The following CAMKK1 variants were observed in gnomAD, a reference collection of about 807,000 sequenced individuals.
CAMKK1 encodes calcium/calmodulin-dependent protein kinase kinase 1.
Under a neutral mutation model 63.5 loss-of-function variants are expected in CAMKK1, and 20 were observed. The observed-to-expected ratio is 0.32, with a 90% CI of 0.22 to 0.46. CAMKK1 has a LOEUF of 0.46. Among genes scored for constraint, CAMKK1 ranks in the 20% least tolerant of loss-of-function variants. The pLI is 1.00. For synonymous variants in CAMKK1, 253 were observed against 269.0 expected, an observed-to-expected ratio of 0.94 and a Z score of 0.58; for missense variants, 588 against 658.1, an observed-to-expected ratio of 0.89 and a Z score of 1.17.
At chr17:3,891,804 T>C (rs1254008130) in intron 1 of CAMKK1, among the ~76,000 whole-genome samples, 1 of 152,082 alleles carries the variant, frequency 6.6e-6, no homozygotes, top group Non-Finnish European at 1.5e-5. Context: ...TGGCTGGGAC[T>C]CCGGGCTTGG....
chr17:3,865,585 G>A (rs909619237), intron 15 of CAMKK1: 12 of 1,151,460 alleles, frequency 1.0e-5, no homozygotes, highest in African/African-American at 3.1e-5. Flanking sequence ...CAGAGGGGCT[G>A]GACCCAGTGA....
intron 7 of CAMKK1, 199 bp from the exon 8 acceptor site, chr17:3,881,847 C>T: frequency 1.7e-6 from 1 of 587,722 alleles, no homozygotes; most frequent in Non-Finnish European, 3.1e-6. Context: ...TCATCTGATC[C>T]TCAGGTGCCA....
intron 8 of CAMKK1, 119 bp downstream of exon 8, chr17:3,881,508 C>T: frequency 1.1e-6 from 1 of 948,848 alleles, no homozygotes; most frequent in African/African-American, 1.6e-5. Context: ...CCCCTAAGGG[C>T]AGGGCCTCCG....
chr17:3,868,310 C>A (rs544948378), intron 14 of CAMKK1, among the ~76,000 whole-genome samples: 1 of 140,354 alleles, frequency 7.1e-6, no homozygotes, highest in Admixed American at 7.1e-5. Flanking sequence ...ATGCAGGCAC[C>A]GTCTAACTGA....
intron 12 of CAMKK1, 119 bp from the exon 13 acceptor site, chr17:3,870,007 C>G (rs1467326862): frequency 1.3e-6 from 1 of 775,270 alleles, no homozygotes; most frequent in Admixed American, 2.2e-5. Flanking sequence ...GGACAGCAGG[C>G]AGGAATTTCA....
chr17:3,862,389 GC>G lies in CAMKK1; in HGVS notation c.1446-107del. The G allele has an allele frequency of 1.0e-6, 1 of 984,950 alleles. No individual in the cohort carries two copies. Among genetic ancestry groups the G allele is most frequent in the Non-Finnish European group, 1.6e-6 (1 of 642,938 alleles). The allele number at this position is 984,950 out of a possible 1,614,324, so 61.0% of individuals were successfully genotyped here. On this transcript the variant is annotated intron_variant, in intron 15 of 15. Coordinates refer to ENST00000348335, the MANE Select transcript of CAMKK1 (RefSeq NM_032294.3). The surrounding 1 kb of genome is among the most constrained non-coding windows in gnomAD (Gnocchi z 4.1). ...GAATCTGAATCCCACATCTCTCAAA[GC>G]CCCCTTCACCCACTGCCCCAAGCTT...
chr17:3,869,176 C>G (rs2054721628), intron 14 of CAMKK1, among the ~76,000 whole-genome samples: 2 of 151,740 alleles, frequency 1.3e-5, no homozygotes, highest in South Asian at 4.2e-4. Flanking sequence ...CAAGGATGGT[C>G]TCGATCTCCT....
intron 14 of CAMKK1, 57 bp from the exon 15 acceptor site, chr17:3,866,068 C>A: frequency 6.3e-7 from 1 of 1,587,240 alleles, no homozygotes; most frequent in South Asian, 1.1e-5. Context: ...GACACGCAGC[C>A]TCTGCTCCGA....
In CAMKK1 at chr17:3,882,162, G is replaced by A. The variant is rs776107607; in HGVS notation, c.685+366C>T. 21 of 797,520 alleles carry A rather than the reference G, an allele frequency of 2.6e-5. No individual in the cohort carries two copies. The highest frequency in any genetic ancestry group is 4.4e-5 in the Non-Finnish European group (21 of 481,020). 49.4% of individuals were successfully genotyped at this position (797,520 alleles called of 1,614,324 possible). A position where few individuals can be genotyped will look rare whatever the true frequency, so the allele number is the denominator to read the frequency against. On this transcript the variant is annotated intron_variant, in intron 7 of 15. Transcript: ENST00000348335. The surrounding 1 kb of genome is among the most constrained non-coding windows in gnomAD (Gnocchi z 4.3). ...TTACTCTTCACAGGAACCCTATGAG[G>A]TAGACACCACTAGTATCCCTGTTTT...
rs200825064 is a variant in CAMKK1, at chr17:3,872,573, G to C, written c.1105C>G (p.Pro369Ala). 1 of 1,613,924 alleles carries C rather than the reference G, an allele frequency of 6.2e-7. No homozygotes were observed. The change falls in exon 12 of 16, where the codon CCC (proline) becomes GCC (alanine). Residue 369 changes from proline (P) to alanine (A), a missense_variant. Pro to Ala is a conservative substitution (Grantham distance 27). Around this residue, in one of 3 missense-constraint regions of CAMKK1, gnomAD observed 226 missense variants for 229.2 expected, o/e 0.99. Coordinates refer to ENST00000348335, the MANE Select transcript of CAMKK1 (RefSeq NM_032294.3). Reference protein sequence around the residue: ...LALHRKIKNEPVVFPEEPEIS... With the variant: ...LALHRKIKNEAVVFPEEPEIS... ...ACTCACTCCTCAGGAAACACCACGG[G>C]CTCATTCTTGATCTTCCTGTGGAGG...
chr17:3,869,408 C>A lies in CAMKK1; in HGVS notation c.1341+79G>T, dbSNP rs143149012. 1,534 of 1,575,496 alleles carry A rather than the reference C, an allele frequency of 9.7e-4. 5 individuals carry two copies. The African/African-American group carries it at 0.015, about 15-fold the overall frequency. On this transcript the variant is annotated intron_variant, in intron 14 of 15. Coordinates refer to ENST00000348335, the MANE Select transcript of CAMKK1 (RefSeq NM_032294.3). ...GCTGGCCAGGCAGGCCTCTGTCCCC[C>A]CAAGGAGCCAGGCACAGAGCAAGGC...
intron 15 of CAMKK1, among the ~76,000 whole-genome samples, chr17:3,864,489 A>G (rs749430475): frequency 1.4e-5 from 2 of 145,660 alleles, no homozygotes; most frequent in South Asian, 4.4e-4. Context: ...CCTGTGATCC[A>G]CCCGCCTCGG....
chr17:3,869,299 G>A (rs959604479), intron 14 of CAMKK1, among the ~76,000 whole-genome samples, 188 bp downstream of exon 14: 2 of 152,172 alleles, frequency 1.3e-5, no homozygotes, highest in African/African-American at 2.4e-5. Flanking sequence ...TCCTCACCAA[G>A]CCTCCTGGTC....
rs140915354 is a variant in CAMKK1, at chr17:3,885,354, G to A, written c.334C>T (p.His112Tyr). ...RAWRRPTIESHHVAISDAEDC... is the reference protein window; with the variant it reads ...RAWRRPTIESYHVAISDAEDC... ...TCTGCATCTGAGATGGCCACGTGGT[G>A]GGACTCGATGGTGGGCCTCCGCCAG... is the stretch of plus-strand genomic sequence containing the variant. Residue 112 changes from histidine (H) to tyrosine (Y), a missense_variant, in exon 2 of 16, where the codon CAC (histidine) becomes TAC (tyrosine). Around this residue, in one of 3 missense-constraint regions of CAMKK1, gnomAD observed 357 missense variants for 407.4 expected, o/e 0.88. Coordinates refer to ENST00000348335, the MANE Select transcript of CAMKK1 (RefSeq NM_032294.3). 5.2e-4 allele frequency: 836 copies of A among 1,602,392 alleles called. 2 individuals are homozygous for A. The highest frequency in any genetic ancestry group is 5.7e-4 in the Non-Finnish European group (666 of 1,172,674).
chr17:3,891,243 A>G (rs1032684265), intron 1 of CAMKK1, among the ~76,000 whole-genome samples: 2 of 152,158 alleles, frequency 1.3e-5, no homozygotes, highest in Non-Finnish European at 2.9e-5. Context: ...GTGAACCAAA[A>G]AGACCAAGTC....
At position 3,890,625 on chromosome 17, in the gene CAMKK1, C is replaced by T. The variant is rs185291302; in HGVS notation, c.-44+2314G>A. ...TCTTTCCTGACCCAGGTCAGCAATCCGGGAGCCCTCCTTGTCACTCGTCCT... is the reference window on the plus strand; with the variant it reads ...TCTTTCCTGACCCAGGTCAGCAATCTGGGAGCCCTCCTTGTCACTCGTCCT... On this transcript the variant is annotated intron_variant, in intron 1 of 15. Coordinates refer to ENST00000348335, the MANE Select transcript of CAMKK1 (RefSeq NM_032294.3). This position sits in a 1 kb window ranked among gnomAD's most constrained non-coding sequence, Gnocchi z 6.5. The T allele has an allele frequency of 1.5e-4, 117 of 779,430 alleles. No individual in the cohort carries two copies. Among genetic ancestry groups the T allele is most frequent in the East Asian group, 3.2e-4 (13 of 41,254 alleles). The allele number at this position is 779,430 out of a possible 1,614,324, so 48.3% of individuals were successfully genotyped here. A position where few individuals can be genotyped will look rare whatever the true frequency, so the allele number is the denominator to read the frequency against.
chr17:3,869,400 C>T (rs1338713056), intron 14 of CAMKK1, 87 bp downstream of exon 14: 2 of 1,559,002 alleles, frequency 1.3e-6, no homozygotes, highest in African/African-American at 2.7e-5. Context: ...AGGCAGGCCT[C>T]TGTCCCCCCA....
In CAMKK1 at chr17:3,890,577, G is replaced by A. The variant is rs2055861616; in HGVS notation, c.-44+2362C>T. 3.9e-6 allele frequency: 3 copies of A among 765,852 alleles called. No individual in the cohort carries two copies. The highest frequency in any genetic ancestry group is 1.7e-5 in the Admixed American group (1 of 58,488). 47.4% of individuals were successfully genotyped at this position (765,852 alleles called of 1,614,324 possible). ...TCGTCCTCCTCTGTCTCCATTGCGA[G>A]ACGGGTACCACACCCTCCCCATTCT... On this transcript the variant is annotated intron_variant, in intron 1 of 15. Transcript: ENST00000348335. This position sits in a 1 kb window ranked among gnomAD's most constrained non-coding sequence, Gnocchi z 6.5.
In CAMKK1 at chr17:3,890,746, C is replaced by G. The variant is rs777505769; in HGVS notation, c.-44+2193G>C. On this transcript the variant is annotated intron_variant, in intron 1 of 15. Transcript: ENST00000348335. The surrounding 1 kb of genome is among the most constrained non-coding windows in gnomAD (Gnocchi z 6.5). Reference sequence around the variant, plus strand: ...CAAATTGCATACTCTGTTCTGCTGCCAGGCCTCAGTACAAGCTGTGCCTTC... The same window carrying G: ...CAAATTGCATACTCTGTTCTGCTGCGAGGCCTCAGTACAAGCTGTGCCTTC... 17 of 779,716 alleles carry G rather than the reference C, an allele frequency of 2.2e-5. No homozygotes were observed. The highest frequency in any genetic ancestry group is 3.8e-5 in the Non-Finnish European group (16 of 417,984). 48.3% of individuals were successfully genotyped at this position (779,716 alleles called of 1,614,324 possible). A position where few individuals can be genotyped will look rare whatever the true frequency, so the allele number is the denominator to read the frequency against.
Sources: gnomAD v4.1 joint callset for allele counts (sites outside exome capture counted in the v4.1 genomes callset) on GRCh38, gnomAD v4.1.1 for gene constraint, gnomAD v4.1.1 regional missense constraint, Gnocchi (gnomAD v3.1) non-coding constraint, MANE v1.5 for transcripts, NCBI Gene and HGNC (gene_info 2026-07-23, HGNC 2026-07-21) for gene names.